Variants in SV2B observed in about 807,000 individuals in gnomAD.
SV2B encodes the protein solute carrier family 22 member B2.
SV2B carries 41 observed loss-of-function variants against 73.9 expected under a neutral mutation model. That is an observed-to-expected ratio of 0.56 (90% CI 0.43 to 0.72). The LOEUF is 0.72. Ranked by LOEUF, SV2B falls within the 30% of genes least tolerant of loss-of-function variation. The probability of loss-of-function intolerance (pLI) is 0.00; values close to 1 mark genes in which losing one functional copy is unlikely to be tolerated. For missense variants in SV2B, 764 were observed against 857.8 expected, an observed-to-expected ratio of 0.89 and a Z score of 1.37; for synonymous variants, 314 against 314.2, an observed-to-expected ratio of 1.00 and a Z score of 0.01.
chr15:91,174,611 C>G (rs1190894085), intron 1 of SV2B, among the ~76,000 whole-genome samples: 1 of 152,214 alleles, frequency 6.6e-6, no homozygotes, highest in African/African-American at 2.4e-5. Context: ...GCAGGAAGCT[C>G]CTGGCTAGCT....
intron 1 of SV2B, among the ~76,000 whole-genome samples, chr15:91,181,960 T>G (rs564960328): frequency 6.6e-5 from 10 of 152,238 alleles, no homozygotes; most frequent in African/African-American, 1.9e-4. Flanking sequence ...TATATATGTA[T>G]TTACATGTTA....
intron 1 of SV2B, among the ~76,000 whole-genome samples, chr15:91,208,609 T>C (rs1166356246): frequency 1.3e-5 from 2 of 152,234 alleles, no homozygotes; most frequent in Admixed American, 6.5e-5. Flanking sequence ...CATCTGTTTC[T>C]AGGATGAGTC....
chr15:91,296,847 C>CTTGGGCGCACGCTCCTTCTGCCCGATCG lies in SV2B; in HGVS notation c.*4333_*4360dup, dbSNP rs1489820154. 2.2e-5 allele frequency: 3 copies of CTTGGGCGCACGCTCCTTCTGCCCGATCG among 136,402 alleles called. No individual in the cohort carries two copies. The highest frequency in any genetic ancestry group is 8.8e-5 in the African/African-American group (3 of 34,236). The allele number at this position is 136,402 out of a possible 1,614,324, so 8.4% of individuals were successfully genotyped here. ...TGGGCTCACGCTCCTTCTGCCCGAT[C>CTTGGGCGCACGCTCCTTCTGCCCGATCG]TTGGGCGCACGCTCCTTCTGCCCGA... On this transcript the variant is annotated 3_prime_UTR_variant, in exon 13 of 13. Coordinates refer to ENST00000394232, the MANE Select transcript of SV2B (RefSeq NM_001323032.3).
rs188122175 is a variant in SV2B, at chr15:91,248,182, G to A, written c.452-3637G>A. On this transcript the variant is annotated intron_variant, in intron 2 of 12. Transcript: ENST00000394232. Reference sequence around the variant, plus strand: ...TAAAAATACAAAAAATTAGCCGGGCGTGGTGGTGGGCGCCTGTAGTCCCAG... The same window carrying A: ...TAAAAATACAAAAAATTAGCCGGGCATGGTGGTGGGCGCCTGTAGTCCCAG... Among the ~76,000 whole-genome samples, 402 of 152,186 alleles carry A rather than the reference G, an allele frequency of 2.6e-3. 9 individuals carry two copies. Among genetic ancestry groups the A allele is most frequent in the Admixed American group, 0.024 (372 of 15,280 alleles).
intron 9 of SV2B, among the ~76,000 whole-genome samples, chr15:91,273,878 G>C (rs2141718447): frequency 6.6e-6 from 1 of 152,154 alleles, no homozygotes; most frequent in South Asian, 2.1e-4. Flanking sequence ...TACACTTTTT[G>C]CATATACATG....
Position 91,245,699 on chromosome 15 carries a change from G to C in SV2B, c.452-6120G>C, listed in dbSNP as rs188365029. Among the ~76,000 whole-genome samples, 12 of 152,224 alleles carry C rather than the reference G, an allele frequency of 7.9e-5. No individual in the cohort carries two copies. The highest frequency in any genetic ancestry group is 7.2e-4 in the Admixed American group (11 of 15,294). On this transcript the variant is annotated intron_variant, in intron 2 of 12. Transcript: ENST00000394232. The surrounding 1 kb of genome is among the most constrained non-coding windows in gnomAD (Gnocchi z 4.2). ...TTCGTCCAGGAGTTTACAGTCACAG[G>C]AGTTTGGCAAATATCAAACAAATAA...
chr15:91,220,635 A>G lies in SV2B; in HGVS notation c.-391-5238A>G, dbSNP rs1199180054. Among the ~76,000 whole-genome samples, 1 of 152,198 alleles carries G rather than the reference A, an allele frequency of 6.6e-6. No homozygotes were observed. Among genetic ancestry groups the G allele is most frequent in the Non-Finnish European group, 1.5e-5 (1 of 68,052 alleles). ...ATAGATGCGGAGGCTAATAGAATGT[A>G]AAAGTTAAAGGAGGATGCTTAAGAG... On this transcript the variant is annotated intron_variant, in intron 1 of 12. Coordinates refer to ENST00000394232, the MANE Select transcript of SV2B (RefSeq NM_001323032.3). The surrounding 1 kb of genome is among the most constrained non-coding windows in gnomAD (Gnocchi z 4.1).
chr15:91,174,456 A>C (rs1363307514), intron 1 of SV2B, among the ~76,000 whole-genome samples: 1 of 150,422 alleles, frequency 6.6e-6, no homozygotes, highest in Admixed American at 6.6e-5. Context: ...TGAATGTTGA[A>C]TGCTGTGTTA....
chr15:91,181,195 C>G (rs1007733545), intron 1 of SV2B, among the ~76,000 whole-genome samples: 3 of 152,198 alleles, frequency 2.0e-5, no homozygotes, highest in Non-Finnish European at 4.4e-5. Context: ...GCAGCAGTGT[C>G]TGCATAACAG....
At chr15:91,271,963 A>T (rs930995656) in intron 9 of SV2B, among the ~76,000 whole-genome samples, 5 of 152,194 alleles carry the variant, frequency 3.3e-5, no homozygotes, top group African/African-American at 9.7e-5. Flanking sequence ...ATGGTGGAAA[A>T]TTATTTTTTG....
chr15:91,133,685 C>T (rs1178698368), intron 1 of SV2B, among the ~76,000 whole-genome samples: 1 of 152,154 alleles, frequency 6.6e-6, no homozygotes, highest in African/African-American at 2.4e-5. Context: ...TCCAAACTCT[C>T]CACACTTCCT....
intron 1 of SV2B, among the ~76,000 whole-genome samples, chr15:91,212,000 G>T (rs1262704814): frequency 6.6e-6 from 1 of 151,936 alleles, no homozygotes; most frequent in African/African-American, 2.4e-5. Context: ...CAACTCTACT[G>T]TGAGAAAAAA....
rs1046901780 is a variant in SV2B at position 91,124,856 on chromosome 15, G to C, written c.-392+24493G>C. ...TTTAGGAGAGACGGAATTTCACCAT[G>C]TTGGCCAGGCTGGTCTCGAACTCCT... is the stretch of plus-strand genomic sequence containing the variant. On this transcript the variant is annotated intron_variant, in intron 1 of 12. Coordinates refer to ENST00000394232, the MANE Select transcript of SV2B (RefSeq NM_001323032.3). The surrounding 1 kb of genome is among the most constrained non-coding windows in gnomAD (Gnocchi z 4.6). Among the ~76,000 whole-genome samples the C allele has an allele frequency of 2.0e-5, 3 of 152,088 alleles. No homozygotes were observed. The highest frequency in any genetic ancestry group is 7.2e-5 in the African/African-American group (3 of 41,414).
In SV2B at chr15:91,128,494, C is replaced by G. The variant is rs751353323; in HGVS notation, c.-392+28131C>G. ...AAACAATATCCAAAAATGAAGGCCT[C>G]AGAAGCGAAAGTGTTTTTCTCCTCC... On this transcript the variant is annotated intron_variant, in intron 1 of 12. Coordinates refer to ENST00000394232, the MANE Select transcript of SV2B (RefSeq NM_001323032.3). The surrounding 1 kb of genome is among the most constrained non-coding windows in gnomAD (Gnocchi z 4.2). Among the ~76,000 whole-genome samples, 3 of 152,168 alleles carry G rather than the reference C, an allele frequency of 2.0e-5. No individual in the cohort carries two copies. The highest frequency in any genetic ancestry group is 4.4e-5 in the Non-Finnish European group (3 of 68,028).
At chr15:91,235,917 A>C (rs1310010263) in intron 2 of SV2B, among the ~76,000 whole-genome samples, 6 of 152,118 alleles carry the variant, frequency 3.9e-5, no homozygotes, top group Non-Finnish European at 7.4e-5. Flanking sequence ...GGAGAGAGAG[A>C]AGACCGGGCA....
chr15:91,152,846 AC>A (rs751991685), intron 1 of SV2B, among the ~76,000 whole-genome samples: 6 of 152,222 alleles, frequency 3.9e-5, no homozygotes, highest in Non-Finnish European at 8.8e-5. Context: ...GGAGACTCAT[AC>A]CATGTATCTT....
Position 91,252,242 on chromosome 15 carries a change from C to T in SV2B, c.633-127C>T, listed in dbSNP as rs753587611. Reference sequence around the variant, plus strand: ...CACATGTAGAGAGGAACTAACTGGCCGGTCTCTCAAATTCACTGGGTCCTT... The same window carrying T: ...CACATGTAGAGAGGAACTAACTGGCTGGTCTCTCAAATTCACTGGGTCCTT... On this transcript the variant is annotated intron_variant, in intron 3 of 12. Coordinates refer to ENST00000394232, the MANE Select transcript of SV2B (RefSeq NM_001323032.3). The surrounding 1 kb of genome is among the most constrained non-coding windows in gnomAD (Gnocchi z 4.6). 66 of 1,318,380 alleles carry T rather than the reference C, an allele frequency of 5.0e-5. No individual in the cohort carries two copies. The Middle Eastern group carries it at 5.7e-4, about 11-fold the overall frequency. The allele number at this position is 1,318,380 out of a possible 1,614,324, so 81.7% of individuals were successfully genotyped here. A position where few individuals can be genotyped will look rare whatever the true frequency, so the allele number is the denominator to read the frequency against.
At position 91,106,018 on chromosome 15, in the gene SV2B, C is replaced by T. The variant is rs1443670935; in HGVS notation, c.-392+5655C>T. Among the ~76,000 whole-genome samples the T allele has an allele frequency of 6.6e-6, 1 of 151,962 alleles. No homozygotes were observed. Among genetic ancestry groups the T allele is most frequent in the Non-Finnish European group, 1.5e-5 (1 of 68,028 alleles). On this transcript the variant is annotated intron_variant, in intron 1 of 12. Transcript: ENST00000394232. The surrounding 1 kb of genome is among the most constrained non-coding windows in gnomAD (Gnocchi z 4.4). Reference sequence around the variant, plus strand: ...TGAGTCACGATAATGCCATTGTACTCCAGCCTGGACAATGGATTGAGATCA... The same window carrying T: ...TGAGTCACGATAATGCCATTGTACTTCAGCCTGGACAATGGATTGAGATCA...
Position 91,296,800 on chromosome 15 carries a change from C to G in SV2B, c.*4248C>G, listed in dbSNP as rs531479937. On this transcript the variant is annotated 3_prime_UTR_variant, in exon 13 of 13. Transcript: ENST00000394232. ...ACTCCTTCTGCCCAATCATTGGGCT[C>G]ACGCTCCTTCTGCCCGATCGCTGGG... is the stretch of plus-strand genomic sequence containing the variant. 9 of 152,602 alleles carry G rather than the reference C, an allele frequency of 5.9e-5. No homozygotes were observed. The highest frequency in any genetic ancestry group is 2.2e-4 in the African/African-American group (9 of 40,224). 9.5% of individuals were successfully genotyped at this position (152,602 alleles called of 1,614,324 possible). A position where few individuals can be genotyped will look rare whatever the true frequency, so the allele number is the denominator to read the frequency against.
Sources: allele counts gnomAD v4.1 joint callset (sites outside exome capture counted in the v4.1 genomes callset), GRCh38; gene constraint gnomAD v4.1.1; non-coding constraint Gnocchi (gnomAD v3.1); transcripts MANE v1.5; gene names NCBI Gene and HGNC (gene_info 2026-07-23, HGNC 2026-07-21).